Variants in COL19A1 observed in about 807,000 individuals in gnomAD.
COL19A1 encodes collagen alpha-1(XIX) chain.
A neutral mutation model predicts 190.2 loss-of-function variants in COL19A1; 159 were observed. The ratio of observed to expected loss-of-function variants is 0.84; its 90% CI spans 0.73 to 0.95. The LOEUF is 0.95. COL19A1 is among the 40% of genes least tolerant of loss of function. The pLI is 0.00. For synonymous variants in COL19A1, 509 were observed against 458.9 expected (o/e 1.11, Z -1.39); for missense variants, 1,418 against 1,431.9 (o/e 0.99, Z 0.16).
intron 33 of COL19A1, 49 bp downstream of exon 33, chr6:70,156,418 A>G (rs1562228254): frequency 6.3e-7 from 1 of 1,577,564 alleles, no homozygotes; most frequent in Non-Finnish European, 8.7e-7. Context: ...TCAATTTAGT[A>G]TGAAAAAAAG....
intron 11 of COL19A1, among the ~76,000 whole-genome samples, chr6:70,002,681 T>C (rs1390374465): frequency 6.6e-6 from 1 of 151,226 alleles, no homozygotes; most frequent in Non-Finnish European, 1.5e-5. Flanking sequence ...TCTCTGGTGG[T>C]AGTTTGTATT....
At chr6:69,932,423 AT>A (rs112334126) in intron 6 of COL19A1, among the ~76,000 whole-genome samples, 7,434 of 149,772 alleles carry the variant, frequency 0.05, 262 homozygotes, top group Non-Finnish European at 0.071. Context: ...CTTTTCTCCA[AT>A]TTTTTTTTTA....
At chr6:70,178,340 C>T (rs1252865956) in intron 42 of COL19A1, among the ~76,000 whole-genome samples, 1 of 152,130 alleles carries the variant, frequency 6.6e-6, no homozygotes, top group African/African-American at 2.4e-5. Flanking sequence ...CGTGTCACTG[C>T]ACTCCAAACT....
chr6:69,903,919 A>G (rs1246389803), intron 4 of COL19A1, among the ~76,000 whole-genome samples: 1 of 152,200 alleles, frequency 6.6e-6, no homozygotes, highest in Non-Finnish European at 1.5e-5. Flanking sequence ...AGGTTAACAT[A>G]ACATCATTAA....
rs780098868 is a variant in COL19A1 at position 70,190,400 on chromosome 6, C to T, written c.3094+19C>T. 1.9e-6 allele frequency: 3 copies of T among 1,547,666 alleles called. No homozygotes were observed. The highest frequency in any genetic ancestry group is 1.7e-5 in the Admixed American group (1 of 58,394). On this transcript the variant is annotated intron_variant, in intron 48 of 50. Transcript: ENST00000620364. Reference sequence around the variant, plus strand: ...TTTGAAGGTTAGATTTTCTTAATAACATTTTCGAATTTTTCACTGATTCCC... The same window carrying T: ...TTTGAAGGTTAGATTTTCTTAATAATATTTTCGAATTTTTCACTGATTCCC...
At chr6:70,189,408 T>C (rs949333117) in intron 47 of COL19A1, among the ~76,000 whole-genome samples, 3 of 152,222 alleles carry the variant, frequency 2.0e-5, no homozygotes, top group African/African-American at 7.2e-5. Context: ...TCTGACCATC[T>C]TCTGTTATGG....
intron 4 of COL19A1, among the ~76,000 whole-genome samples, chr6:69,924,804 T>A (rs566157875): frequency 2.9e-4 from 44 of 152,306 alleles, no homozygotes; most frequent in African/African-American, 1.0e-3. Context: ...GGTATCTCAT[T>A]GTGGTTTTGA....
At chr6:70,056,652 C>T (rs1780519768) in intron 14 of COL19A1, among the ~76,000 whole-genome samples, 2 of 152,076 alleles carry the variant, frequency 1.3e-5, no homozygotes. Context: ...CTTGTGTGAA[C>T]TCAACAATCC....
At chr6:69,999,688 A>G (rs944614264) in intron 11 of COL19A1, among the ~76,000 whole-genome samples, 23 of 152,184 alleles carry the variant, frequency 1.5e-4, no homozygotes, top group Admixed American at 1.2e-3. Flanking sequence ...AGCATTCTAC[A>G]TCGTCATCAA....
chr6:69,951,397 G>C (rs1370809169), intron 9 of COL19A1, among the ~76,000 whole-genome samples: 1 of 151,886 alleles, frequency 6.6e-6, no homozygotes, highest in East Asian at 1.9e-4. Context: ...ACAATAAACA[G>C]TTTGATGATT....
At chr6:70,095,685 T>A (rs1783209650) in intron 15 of COL19A1, among the ~76,000 whole-genome samples, 1 of 152,212 alleles carries the variant, frequency 6.6e-6, no homozygotes, top group Non-Finnish European at 1.5e-5. Flanking sequence ...CAACTCCTTT[T>A]TTTTCCTCTT....
intron 40 of COL19A1, among the ~76,000 whole-genome samples, chr6:70,169,512 C>G (rs959967845): frequency 6.6e-6 from 1 of 151,988 alleles, no homozygotes; most frequent in African/African-American, 2.4e-5. Context: ...AAATTTTAAA[C>G]CAGCAAAGGG....
chr6:70,069,705 CT>C (rs1304459523), intron 15 of COL19A1, among the ~76,000 whole-genome samples: 1 of 152,132 alleles, frequency 6.6e-6, no homozygotes, highest in African/African-American at 2.4e-5. Context: ...ATGCTCCTCC[CT>C]TTTTATTTTA....
intron 16 of COL19A1, among the ~76,000 whole-genome samples, chr6:70,116,233 A>G (rs1784571530): frequency 6.6e-6 from 1 of 152,160 alleles, no homozygotes; most frequent in Non-Finnish European, 1.5e-5. Context: ...CTTGTCTTTT[A>G]TAAATTTGGA....
At chr6:70,176,368 CT>C in intron 41 of COL19A1, 151 bp from the exon 42 acceptor site, 1 of 590,422 alleles carries the variant, frequency 1.7e-6, no homozygotes, top group African/African-American at 1.9e-5. Context: ...ATTTTTCCAT[CT>C]ACACACTAGC....
chr6:70,079,220 T>C (rs6899489), intron 15 of COL19A1, among the ~76,000 whole-genome samples: 115 of 152,324 alleles, frequency 7.5e-4, no homozygotes, highest in African/African-American at 2.6e-3. Context: ...TGCTGACGTA[T>C]CAAGTCTGAA....
intron 14 of COL19A1, among the ~76,000 whole-genome samples, chr6:70,052,029 C>T (rs1287162377): frequency 1.3e-5 from 2 of 151,912 alleles, no homozygotes; most frequent in South Asian, 2.1e-4. Flanking sequence ...TTGCTCCCTA[C>T]GTTTCTGAAT....
At chr6:69,995,989 A>G (rs1186989750) in intron 11 of COL19A1, among the ~76,000 whole-genome samples, 6 of 152,174 alleles carry the variant, frequency 3.9e-5, no homozygotes, top group Admixed American at 2.0e-4. Flanking sequence ...TTATCAAGAC[A>G]GTCTTTTTGA....
chr6:69,875,753 ATTAAG>A (rs1423490870), intron 1 of COL19A1, among the ~76,000 whole-genome samples: 3 of 152,186 alleles, frequency 2.0e-5, no homozygotes, highest in African/African-American at 7.2e-5. Context: ...ATCTGGATGT[ATTAAG>A]TTATAGATAT....
Sources: allele counts gnomAD v4.1 joint callset (sites outside exome capture counted in the v4.1 genomes callset), GRCh38; gene constraint gnomAD v4.1.1; transcripts MANE v1.5; gene names NCBI Gene and HGNC (gene_info 2026-07-23, HGNC 2026-07-21).